MRPL30: variants seen among roughly 807,000 people sequenced by gnomAD.
MRPL30 encodes the protein large ribosomal subunit protein uL30m.
MRPL30 carries 10 observed loss-of-function variants against 17.2 expected under a neutral mutation model. The ratio of observed to expected loss-of-function variants is 0.58; its 90% CI spans 0.36 to 0.99. The LOEUF is 0.99. Ranked by LOEUF, MRPL30 falls within the 50% of genes least tolerant of loss-of-function variation. MRPL30 has a pLI of 0.01. For synonymous variants in MRPL30, 61 were observed against 62.1 expected, an observed-to-expected ratio of 0.98 and a Z score of 0.08; for missense variants, 170 against 189.8, an observed-to-expected ratio of 0.90 and a Z score of 0.61.
chr2:99,188,194 G>A lies in MRPL30; in HGVS notation c.69G>A (p.Val23=). Residue 23 remains valine, a synonymous_variant, in exon 3 of 6, where the codon GTG becomes GTA. Coordinates refer to ENST00000338148, the MANE Select transcript of MRPL30 (RefSeq NM_145212.4). ...PGRLQTVTKG[V]ESLICTDWIR... ...TATTTTAGACTGTGACAAAAGGTGT[G>A]GAGTCTCTTATTTGTACAGATTGGA... The A allele has an allele frequency of 6.2e-7, 1 of 1,600,510 alleles. No homozygotes were observed. Among genetic ancestry groups the A allele is most frequent in the Non-Finnish European group, 8.5e-7 (1 of 1,175,248 alleles).
chr2:99,193,026 CAG>C (rs2093949520), intron 3 of MRPL30, among the ~76,000 whole-genome samples: 1 of 152,208 alleles, frequency 6.6e-6, no homozygotes, highest in South Asian at 2.1e-4. Flanking sequence ...AAACTCGCAT[CAG>C]AGTGAGCAGG....
rs201869282 is a variant in MRPL30, at chr2:99,196,085, G to GA, written c.*391dup. 2.0e-3 allele frequency: 346 copies of GA among 174,816 alleles called. No individual in the cohort carries two copies. The highest frequency in any genetic ancestry group is 5.8e-3 in the South Asian group (53 of 9,210). 10.8% of individuals were successfully genotyped at this position (174,816 alleles called of 1,614,324 possible). A position where few individuals can be genotyped will look rare whatever the true frequency, so the allele number is the denominator to read the frequency against. ...GATAGGATGAGACTCCATCTCAGGGGAAAAAAAAAAATTTTTTTTTCACTG... is the reference window on the plus strand; with the variant it reads ...GATAGGATGAGACTCCATCTCAGGGGAAAAAAAAAAAATTTTTTTTTCACTG... On this transcript the variant is annotated 3_prime_UTR_variant, in exon 6 of 6. Coordinates refer to ENST00000338148, the MANE Select transcript of MRPL30 (RefSeq NM_145212.4).
intron 3 of MRPL30, among the ~76,000 whole-genome samples, chr2:99,191,247 C>T (rs1029019272): frequency 6.6e-6 from 1 of 152,094 alleles, no homozygotes; most frequent in Non-Finnish European, 1.5e-5. Context: ...CCTCGTGATC[C>T]ACCCCCCTTG....
In MRPL30 at chr2:99,195,824, G is replaced by C; in HGVS notation, c.*119G>C. 6.8e-7 allele frequency: 1 copy of C among 1,476,322 alleles called. No individual in the cohort carries two copies. Among genetic ancestry groups the C allele is most frequent in the Non-Finnish European group, 9.1e-7 (1 of 1,097,628 alleles). 91.5% of individuals were successfully genotyped at this position (1,476,322 alleles called of 1,614,324 possible). ...TCAGGCCGGGCACGGTGGCTCACCT[G>C]TAATCCCAGCACTTTGGGAGGCCAA... is the stretch of plus-strand genomic sequence containing the variant. On this transcript the variant is annotated 3_prime_UTR_variant, in exon 6 of 6. Coordinates refer to ENST00000338148, the MANE Select transcript of MRPL30 (RefSeq NM_145212.4).
At chr2:99,188,126 T>C in intron 2 of MRPL30, 51 bp from the exon 3 acceptor site, 1 of 1,370,394 alleles carries the variant, frequency 7.3e-7, no homozygotes. Flanking sequence ...TGGGTATGGA[T>C]TTCTCTACTG....
chr2:99,194,722 T>C (rs1270998692), intron 3 of MRPL30, 29 bp from the exon 4 acceptor site: 2 of 1,558,818 alleles, frequency 1.3e-6, no homozygotes. Flanking sequence ...AAGTTGGAAA[T>C]TTACCATTTA....
chr2:99,197,637 T>C lies in MRPL30; in HGVS notation c.*1932T>C, dbSNP rs188429329. ...GCTAATTTAGCGCCATCTCTTTTACTGTGCTAATTTTTTTTTCTTTAGAGA... is the reference window on the plus strand; with the variant it reads ...GCTAATTTAGCGCCATCTCTTTTACCGTGCTAATTTTTTTTTCTTTAGAGA... On this transcript the variant is annotated 3_prime_UTR_variant, in exon 6 of 6. Transcript: ENST00000338148. The C allele has an allele frequency of 1.3e-5, 2 of 152,326 alleles. No homozygotes were observed. Among genetic ancestry groups the C allele is most frequent in the Admixed American group, 6.5e-5 (1 of 15,282 alleles). The allele number at this position is 152,326 out of a possible 1,614,324, so 9.4% of individuals were successfully genotyped here. A position where few individuals can be genotyped will look rare whatever the true frequency, so the allele number is the denominator to read the frequency against.
Position 99,195,773 on chromosome 2 carries a change from A to G in MRPL30, c.*68A>G, listed in dbSNP as rs1447161536. The stretch of plus-strand genomic sequence containing the variant: ...TTAAAGATGGTGAGAAAGTGTTTTC[A>G]TTAAAATATGTTTTCAAAACCATTT... On this transcript the variant is annotated 3_prime_UTR_variant, in exon 6 of 6. Coordinates refer to ENST00000338148, the MANE Select transcript of MRPL30 (RefSeq NM_145212.4). 7.5e-6 allele frequency: 12 copies of G among 1,602,026 alleles called. No homozygotes were observed. Among genetic ancestry groups the G allele is most frequent in the Non-Finnish European group, 1.0e-5 (12 of 1,176,748 alleles).
In MRPL30 at chr2:99,198,671, T is replaced by C. The variant is rs2093958865; in HGVS notation, c.*2966T>C. Among the ~76,000 whole-genome samples, 1 of 152,156 alleles carries C rather than the reference T, an allele frequency of 6.6e-6. No homozygotes were observed. Among genetic ancestry groups the C allele is most frequent in the Non-Finnish European group, 1.5e-5 (1 of 68,022 alleles). On this transcript the variant is annotated 3_prime_UTR_variant, in exon 6 of 6. Transcript: ENST00000338148. Reference sequence around the variant, plus strand: ...CCTGGACCTTATCATAGTGGCTGTATAGTTTAGAAGGTTTCTTCAGATTGG... The same window carrying C: ...CCTGGACCTTATCATAGTGGCTGTACAGTTTAGAAGGTTTCTTCAGATTGG...
intron 1 of MRPL30, among the ~76,000 whole-genome samples, chr2:99,182,586 C>A (rs989212052): frequency 2.6e-5 from 4 of 152,198 alleles, no homozygotes; most frequent in Non-Finnish European, 5.9e-5. Context: ...TAAACGTATT[C>A]TTTGAGTCAA....
chr2:99,185,634 T>G, intron 1 of MRPL30: 1 of 290,550 alleles, frequency 3.4e-6, no homozygotes, highest in East Asian at 8.7e-5. Context: ...CAAAAAAAAT[T>G]CTACTTTTTA....
At chr2:99,195,308 G>GTT in intron 5 of MRPL30, 119 bp downstream of exon 5, 1 of 976,950 alleles carries the variant, frequency 1.0e-6, no homozygotes, top group Non-Finnish European at 1.5e-6. Context: ...ATTTTATTTT[G>GTT]TTTTTTTTTA....
Position 99,195,930 on chromosome 2 carries a change from G to A in MRPL30, c.*225G>A. 2.4e-6 allele frequency: 1 copy of A among 412,700 alleles called. No individual in the cohort carries two copies. The highest frequency in any genetic ancestry group is 4.2e-6 in the Non-Finnish European group (1 of 236,344). 25.6% of individuals were successfully genotyped at this position (412,700 alleles called of 1,614,324 possible). A position where few individuals can be genotyped will look rare whatever the true frequency, so the allele number is the denominator to read the frequency against. ...AACCCCCATCTCTACTGAAAATACAGAATTAGCCAGGCATGGTGGCACATG... is the reference window on the plus strand; with the variant it reads ...AACCCCCATCTCTACTGAAAATACAAAATTAGCCAGGCATGGTGGCACATG... On this transcript the variant is annotated 3_prime_UTR_variant, in exon 6 of 6. Coordinates refer to ENST00000338148, the MANE Select transcript of MRPL30 (RefSeq NM_145212.4).
Position 99,195,734 on chromosome 2 carries a change from C to T in MRPL30, c.*29C>T. 1 of 1,604,492 alleles carries T rather than the reference C, an allele frequency of 6.2e-7. No homozygotes were observed. Among genetic ancestry groups the T allele is most frequent in the South Asian group, 1.1e-5 (1 of 89,128 alleles). On this transcript the variant is annotated 3_prime_UTR_variant, in exon 6 of 6. Coordinates refer to ENST00000338148, the MANE Select transcript of MRPL30 (RefSeq NM_145212.4). The stretch of plus-strand genomic sequence containing the variant: ...CCCAGCAGCTTCCGATTGGAAAATG[C>T]AAATTGTTTTTATTTAAAGATGGTG...
At position 99,195,745 on chromosome 2, in the gene MRPL30, T is replaced by C. The variant is rs2093954244; in HGVS notation, c.*40T>C. The C allele has an allele frequency of 6.2e-7, 1 of 1,605,804 alleles. No homozygotes were observed. The highest frequency in any genetic ancestry group is 1.1e-5 in the South Asian group (1 of 89,498). ...CCGATTGGAAAATGCAAATTGTTTT[T>C]ATTTAAAGATGGTGAGAAAGTGTTT... On this transcript the variant is annotated 3_prime_UTR_variant, in exon 6 of 6. Transcript: ENST00000338148.
chr2:99,195,136 C>T lies in MRPL30; in HGVS notation c.300C>T (p.His100=). ...GLEKAHTPQV[H]KNIPSVNAKL... is the part of the protein sequence containing the mutation. ...CACAGGCACATACCCCTCAAGTTCACAAGAATATCCCTTCAGTGAATGCAA... is the reference window on the plus strand; with the variant it reads ...CACAGGCACATACCCCTCAAGTTCATAAGAATATCCCTTCAGTGAATGCAA... The change falls in exon 5 of 6, where the codon CAC becomes CAT. Residue 100 remains histidine (H), a synonymous_variant. Coordinates refer to ENST00000338148, the MANE Select transcript of MRPL30 (RefSeq NM_145212.4). 2 of 1,602,140 alleles carry T rather than the reference C, an allele frequency of 1.2e-6. No homozygotes were observed. The highest frequency in any genetic ancestry group is 1.7e-6 in the Non-Finnish European group (2 of 1,176,508).
At chr2:99,181,468 C>A (rs992166090) in intron 1 of MRPL30, among the ~76,000 whole-genome samples, 1 of 152,148 alleles carries the variant, frequency 6.6e-6, no homozygotes, top group Non-Finnish European at 1.5e-5. Context: ...GGCCACGCGG[C>A]TTTTTGTGCC....
chr2:99,189,141 GTAT>G (rs371657097), intron 3 of MRPL30, among the ~76,000 whole-genome samples: 5 of 152,336 alleles, frequency 3.3e-5, no homozygotes, highest in Non-Finnish European at 7.3e-5. Context: ...ACGGGACACA[GTAT>G]TATTAACTAA....
Position 99,195,696 on chromosome 2 carries a change from T to A in MRPL30, c.477T>A (p.His159Gln), listed in dbSNP as rs776309904. Residue 159 changes from histidine (H) to glutamine (Q), a missense_variant, in exon 6 of 6, where the codon CAT (histidine) becomes CAA (glutamine). Coordinates refer to ENST00000338148, the MANE Select transcript of MRPL30 (RefSeq NM_145212.4). ...WHLKPVEQKA[H>Q]ES ...TGAAACCTGTGGAGCAGAAAGCACA[T>A]GAGTCCTAATGCCCCAGCAGCTTCC... The A allele has an allele frequency of 2.1e-5, 34 of 1,612,592 alleles. No individual in the cohort carries two copies. The highest frequency in any genetic ancestry group is 2.9e-5 in the Non-Finnish European group (34 of 1,179,618).
Sources: allele counts gnomAD v4.1 joint callset (sites outside exome capture counted in the v4.1 genomes callset), GRCh38; gene constraint gnomAD v4.1.1; transcripts MANE v1.5; gene names NCBI Gene and HGNC (gene_info 2026-07-23, HGNC 2026-07-21).